Variants in NKAIN3 observed in about 807,000 individuals in gnomAD.
The protein encoded by NKAIN3 is sodium/potassium transporting ATPase interacting 3.
A neutral mutation model predicts 30.2 loss-of-function variants in NKAIN3; 25 were observed. The observed-to-expected ratio is 0.83, with a 90% CI of 0.60 to 1.16. The LOEUF (loss-of-function observed/expected upper bound fraction) is 1.16. NKAIN3 is among the 50% of genes most tolerant of loss of function. NKAIN3 has a pLI of 0.00. For synonymous variants in NKAIN3, 91 were observed against 89.6 expected (o/e 1.02, Z -0.09); for missense variants, 225 against 254.1 (o/e 0.89, Z 0.78).
chr8:62,558,065 A>G (rs775302840), intron 1 of NKAIN3, among the ~76,000 whole-genome samples: 4 of 152,144 alleles, frequency 2.6e-5, no homozygotes, highest in Non-Finnish European at 5.9e-5. Flanking sequence ...TCCTTGACCC[A>G]TCTTGAGTTG....
intron 1 of NKAIN3, among the ~76,000 whole-genome samples, chr8:62,369,482 C>T (rs549258415): frequency 1.3e-5 from 2 of 152,104 alleles, no homozygotes; most frequent in Admixed American, 1.3e-4. Context: ...CTGAACATTT[C>T]CAAGAGCAAA....
intron 4 of NKAIN3, among the ~76,000 whole-genome samples, chr8:62,831,770 G>A (rs911106530): frequency 2.6e-5 from 4 of 152,094 alleles, no homozygotes; most frequent in African/African-American, 9.7e-5. Flanking sequence ...CCTGAGAGAG[G>A]AGAATAACTT....
chr8:62,795,001 T>C (rs182949207), intron 4 of NKAIN3, among the ~76,000 whole-genome samples: 1 of 152,102 alleles, frequency 6.6e-6, no homozygotes, highest in Non-Finnish European at 1.5e-5. Context: ...GTGTATATCA[T>C]GGTGCCAGTG....
intron 1 of NKAIN3, among the ~76,000 whole-genome samples, chr8:62,255,977 G>A (rs978672302): frequency 2.0e-5 from 3 of 151,950 alleles, no homozygotes; most frequent in Non-Finnish European, 2.9e-5. Flanking sequence ...TTACTCAAAT[G>A]AAGAGTTCCC....
chr8:62,907,943 T>C (rs1469767662), intron 4 of NKAIN3, among the ~76,000 whole-genome samples: 1 of 152,148 alleles, frequency 6.6e-6, no homozygotes, highest in East Asian at 1.9e-4. Flanking sequence ...CCACTGTCCT[T>C]CAGACCCCAG....
Position 62,304,483 on chromosome 8 carries a change from T to C in NKAIN3, c.54+55356T>C, listed in dbSNP as rs114034702. Among the ~76,000 whole-genome samples the C allele has an allele frequency of 9.8e-3, 1,473 of 150,522 alleles. 150 individuals carry two copies. Among genetic ancestry groups the C allele is most frequent in the African/African-American group, 0.035 (1,393 of 39,956 alleles). On this transcript the variant is annotated intron_variant, in intron 1 of 6. Coordinates refer to ENST00000623646, the MANE Select transcript of NKAIN3 (RefSeq NM_001304533.3). ...GACATTTTGGGGGAATAATGTGATA[T>C]TTCGATACATGAAACAATGTGTAAA...
chr8:62,508,616 C>A (rs1281690069), intron 1 of NKAIN3, among the ~76,000 whole-genome samples: 12 of 152,096 alleles, frequency 7.9e-5, no homozygotes, highest in African/African-American at 2.4e-4. Context: ...ACATGCATGG[C>A]CAGCTCCAAA....
chr8:62,542,969 A>G lies in NKAIN3; in HGVS notation c.55-36570A>G, dbSNP rs144278402. On this transcript the variant is annotated intron_variant, in intron 1 of 6. Transcript: ENST00000623646. ...GTTTCAGAGTTGCCATGGCTCTTGT[A>G]TTTCTGATCTCAGGAGCACATAATG... 3.6e-3 allele frequency among the ~76,000 whole-genome samples: 551 copies of G among 152,250 alleles called. 8 individuals carry two copies. Among genetic ancestry groups the G allele is most frequent in the Admixed American group, 0.026 (403 of 15,284 alleles).
intron 1 of NKAIN3, among the ~76,000 whole-genome samples, chr8:62,425,237 C>T (rs1443284956): frequency 1.3e-5 from 2 of 151,684 alleles, no homozygotes; most frequent in Non-Finnish European, 2.9e-5. Flanking sequence ...ACAATATGCA[C>T]CATACACTTA....
intron 1 of NKAIN3, among the ~76,000 whole-genome samples, chr8:62,477,416 A>G (rs576430871): frequency 6.9e-4 from 105 of 152,304 alleles, no homozygotes; most frequent in African/African-American, 2.4e-3. Context: ...GCCAGGGCTC[A>G]GGCAATGAGG....
At chr8:62,525,224 G>T (rs554177131) in intron 1 of NKAIN3, among the ~76,000 whole-genome samples, 4 of 152,188 alleles carry the variant, frequency 2.6e-5, no homozygotes, top group African/African-American at 9.6e-5. Flanking sequence ...CTTACACAAG[G>T]ATGCATACTT....
At chr8:62,634,535 C>T (rs1033069799) in intron 3 of NKAIN3, among the ~76,000 whole-genome samples, 2 of 152,180 alleles carry the variant, frequency 1.3e-5, no homozygotes, top group Non-Finnish European at 2.9e-5. Flanking sequence ...AGGACCTAGA[C>T]CAAACCCCTG....
intron 5 of NKAIN3, among the ~76,000 whole-genome samples, chr8:62,921,974 T>C (rs890507595): frequency 6.6e-6 from 1 of 152,202 alleles, no homozygotes; most frequent in East Asian, 1.9e-4. Context: ...TCTTCTGATA[T>C]TAGGCTGCAA....
In NKAIN3 at chr8:62,863,658, G is replaced by A. The variant is rs570926459; in HGVS notation, c.472-54795G>A. 19 of 1,353,616 alleles carry A rather than the reference G, an allele frequency of 1.4e-5. No homozygotes were observed. In the African/African-American group the frequency reaches 1.7e-4, roughly 12 times the overall value. 83.9% of individuals were successfully genotyped at this position (1,353,616 alleles called of 1,614,324 possible). ...TTTGGGTCACTGGGATAACTTTCTC[G>A]AACACATTTGAGCAATTTTATTTCA... On this transcript the variant is annotated intron_variant, in intron 4 of 6. Transcript: ENST00000623646.
intron 3 of NKAIN3, among the ~76,000 whole-genome samples, chr8:62,638,905 T>C (rs933218939): frequency 2.6e-5 from 4 of 152,178 alleles, no homozygotes; most frequent in Non-Finnish European, 5.9e-5. Flanking sequence ...AATTCTGGCC[T>C]CATTGTTTGT....
chr8:62,338,186 A>G (rs138697528), intron 1 of NKAIN3, among the ~76,000 whole-genome samples: 2,431 of 152,104 alleles, frequency 0.016, 36 homozygotes, highest in Non-Finnish European at 0.026. Context: ...TCCTTGTAGA[A>G]GTTATCATAT....
intron 1 of NKAIN3, among the ~76,000 whole-genome samples, chr8:62,503,495 CT>C (rs1473681744): frequency 1.3e-5 from 2 of 152,122 alleles, no homozygotes; most frequent in East Asian, 3.9e-4. Flanking sequence ...GAGAACTGGT[CT>C]GACCTCAGAT....
intron 4 of NKAIN3, among the ~76,000 whole-genome samples, chr8:62,844,345 A>G (rs1165867277): frequency 6.6e-6 from 1 of 152,076 alleles, no homozygotes; most frequent in Admixed American, 6.6e-5. Flanking sequence ...GAATAAAATA[A>G]CTCCCTAGAT....
At chr8:62,589,875 TTGTGTGTGTGTG>T (rs35791396) in intron 3 of NKAIN3, 81 bp downstream of exon 3, 8,972 of 428,400 alleles carry the variant, frequency 0.021, 132 homozygotes, top group Admixed American at 0.068. Context: ...TATAGGTATA[TTGTGTGTGTGTG>T]TGTGTGTGTG....
Sources: allele counts gnomAD v4.1 joint callset (sites outside exome capture counted in the v4.1 genomes callset), GRCh38; gene constraint gnomAD v4.1.1; transcripts MANE v1.5; gene names NCBI Gene and HGNC (gene_info 2026-07-23, HGNC 2026-07-21).